ROBO2: variants seen among roughly 807,000 people sequenced by gnomAD.
The protein encoded by ROBO2 is roundabout guidance receptor 2, also known as roundabout homolog 2.
Under a neutral mutation model 160.8 loss-of-function variants are expected in ROBO2, and 53 were observed. The observed-to-expected ratio is 0.33, with a 90% CI of 0.26 to 0.41. ROBO2 has a LOEUF of 0.41. Ranked by LOEUF, ROBO2 falls within the 10% of genes least tolerant of loss-of-function variation. The probability of loss-of-function intolerance (pLI) is 1.00; values close to 1 mark genes in which losing one functional copy is unlikely to be tolerated. For synonymous variants in ROBO2, 664 were observed against 611.7 expected (o/e 1.09, Z -1.26); for missense variants, 1,577 against 1,722.4 (o/e 0.92, Z 1.49).
chr3:76,266,919 GAAATAGC>G (rs1311663984), intron 2 of ROBO2, among the ~76,000 whole-genome samples: 1 of 152,034 alleles, frequency 6.6e-6, no homozygotes, highest in Non-Finnish European at 1.5e-5. Flanking sequence ...TAATCCTTAG[GAAATAGC>G]TGTGCATTCA....
At chr3:76,468,309 A>G (rs998758770) in intron 2 of ROBO2, among the ~76,000 whole-genome samples, 7 of 152,142 alleles carry the variant, frequency 4.6e-5, no homozygotes, top group Admixed American at 2.6e-4. Flanking sequence ...GAATCAATAA[A>G]GCTATACTTT....
intron 2 of ROBO2, among the ~76,000 whole-genome samples, chr3:75,955,157 A>G (rs1222369676): frequency 6.6e-6 from 1 of 151,810 alleles, no homozygotes; most frequent in Non-Finnish European, 1.5e-5. Context: ...GAAATGTATA[A>G]CTTAGTGGTA....
chr3:77,471,361 G>T (rs2083331509), intron 2 of ROBO2, among the ~76,000 whole-genome samples: 1 of 152,180 alleles, frequency 6.6e-6, no homozygotes, highest in African/African-American at 2.4e-5. Context: ...ATCACAGCTG[G>T]ACATAAAACT....
At chr3:76,862,691 G>A (rs1043476443) in intron 2 of ROBO2, among the ~76,000 whole-genome samples, 1 of 152,094 alleles carries the variant, frequency 6.6e-6, no homozygotes, top group Non-Finnish European at 1.5e-5. Flanking sequence ...TGCTTCCAGG[G>A]AGAAGGGTTG....
intron 2 of ROBO2, among the ~76,000 whole-genome samples, chr3:76,583,302 A>G (rs148827306): frequency 5.9e-4 from 90 of 152,342 alleles, no homozygotes; most frequent in African/African-American, 2.0e-3. Flanking sequence ...TTAGCAAATG[A>G]GGACAGCGCT....
At chr3:77,232,864 G>A (rs1459747064) in intron 2 of ROBO2, among the ~76,000 whole-genome samples, 2 of 152,150 alleles carry the variant, frequency 1.3e-5, no homozygotes, top group Non-Finnish European at 2.9e-5. Context: ...GCTCAAAAGT[G>A]TCTGTAGATT....
intron 2 of ROBO2, among the ~76,000 whole-genome samples, chr3:76,949,565 T>G (rs1390746229): frequency 6.6e-6 from 1 of 152,176 alleles, no homozygotes; most frequent in Non-Finnish European, 1.5e-5. Context: ...CTCCCCTGTT[T>G]CCGGTGTCCA....
intron 2 of ROBO2, among the ~76,000 whole-genome samples, chr3:76,804,938 C>T (rs2064555476): frequency 1.3e-5 from 2 of 152,086 alleles, no homozygotes; most frequent in Non-Finnish European, 1.5e-5. Flanking sequence ...AATTTTGAAG[C>T]ATTCTAAGAC....
At chr3:77,511,625 G>A (rs956408032) in intron 5 of ROBO2, among the ~76,000 whole-genome samples, 5 of 151,982 alleles carry the variant, frequency 3.3e-5, no homozygotes, top group African/African-American at 1.2e-4. Flanking sequence ...GCGTTTTTCA[G>A]TCAGGCCGAA....
At chr3:75,929,390 A>G (rs1349293467) in intron 1 of ROBO2, among the ~76,000 whole-genome samples, 1 of 152,142 alleles carries the variant, frequency 6.6e-6, no homozygotes, top group African/African-American at 2.4e-5. Context: ...GCTGCAGGAA[A>G]CTGTCAAAAT....
At chr3:76,207,461 TTTAAA>T (rs1223816426) in intron 2 of ROBO2, among the ~76,000 whole-genome samples, 4 of 152,174 alleles carry the variant, frequency 2.6e-5, no homozygotes, top group African/African-American at 7.2e-5. Flanking sequence ...CATTGCTATC[TTTAAA>T]TTAATTTGAT....
At chr3:77,531,049 T>C (rs2091684768) in intron 6 of ROBO2, among the ~76,000 whole-genome samples, 1 of 152,110 alleles carries the variant, frequency 6.6e-6, no homozygotes, top group East Asian at 2.0e-4. Context: ...GGAAAGGAAC[T>C]GTGGAATCTA....
chr3:76,056,613 C>T (rs2067857828), intron 2 of ROBO2, among the ~76,000 whole-genome samples: 1 of 152,140 alleles, frequency 6.6e-6, no homozygotes, highest in South Asian at 2.1e-4. Flanking sequence ...ACATGTATCA[C>T]TACACTGAAG....
At chr3:76,665,912 C>CATATTATATATAATATAT (rs1560335377) in intron 2 of ROBO2, among the ~76,000 whole-genome samples, 38 of 140,634 alleles carry the variant, frequency 2.7e-4, no homozygotes, top group African/African-American at 9.4e-4. Context: ...ATATAATATA[C>CATATTATATATAATATAT]ACATATTTTA....
chr3:77,066,992 A>G (rs1460448151), intron 1 of ROBO2, among the ~76,000 whole-genome samples: 1 of 149,488 alleles, frequency 6.7e-6, no homozygotes, highest in Non-Finnish European at 1.5e-5. Flanking sequence ...CCCCTGCAAC[A>G]CACACATACA....
intron 2 of ROBO2, among the ~76,000 whole-genome samples, chr3:76,904,140 C>T (rs2075431314): frequency 6.6e-6 from 1 of 151,984 alleles, no homozygotes; most frequent in African/African-American, 2.4e-5. Context: ...AAAACATGTA[C>T]TTTTTATGAT....
chr3:76,062,209 A>C (rs1324864827), intron 2 of ROBO2, among the ~76,000 whole-genome samples: 1 of 152,172 alleles, frequency 6.6e-6, no homozygotes, highest in African/African-American at 2.4e-5. Flanking sequence ...TTTTAAAACA[A>C]TCTTTGAAAG....
chr3:77,635,083 G>A, intron 24 of ROBO2, 40 bp downstream of exon 25: 1 of 1,600,004 alleles, frequency 6.2e-7, no homozygotes, highest in Non-Finnish European at 8.5e-7. Context: ...TCGCTGAAGA[G>A]ACGTGCTCCA....
intron 2 of ROBO2, among the ~76,000 whole-genome samples, chr3:76,553,278 G>A (rs2083521633): frequency 6.6e-6 from 1 of 152,162 alleles, no homozygotes; most frequent in Non-Finnish European, 1.5e-5. Flanking sequence ...AGACAAGGAA[G>A]GAGCAGACAG....
Sources: allele counts gnomAD v4.1 joint callset (sites outside exome capture counted in the v4.1 genomes callset), GRCh38; gene constraint gnomAD v4.1.1; transcripts MANE v1.5; gene names NCBI Gene and HGNC (gene_info 2026-07-23, HGNC 2026-07-21).